Variants in RBM25 observed in about 807,000 individuals in gnomAD.
RBM25 encodes RNA-binding protein 25.
Under a neutral mutation model 120.7 loss-of-function variants are expected in RBM25, and 19 were observed. That is an observed-to-expected ratio of 0.16 (90% CI 0.11 to 0.23). RBM25 has a LOEUF of 0.23. Among genes scored for constraint, RBM25 ranks in the 10% least tolerant of loss-of-function variants. The pLI is 1.00. For missense variants in RBM25, 605 were observed against 1,041.5 expected, an observed-to-expected ratio of 0.58 and a Z score of 5.77; for synonymous variants, 390 against 326.7, an observed-to-expected ratio of 1.19 and a Z score of -2.09.
intron 1 of RBM25, among the ~76,000 whole-genome samples, chr14:73,063,752 C>T (rs1895061928): frequency 6.6e-6 from 1 of 151,316 alleles, no homozygotes; most frequent in Admixed American, 6.6e-5. Flanking sequence ...ATCCTGTTCC[C>T]TTCCAGGCTT....
chr14:73,071,146 G>A (rs1279032698), intron 1 of RBM25, among the ~76,000 whole-genome samples: 1 of 151,194 alleles, frequency 6.6e-6, no homozygotes, highest in Non-Finnish European at 1.5e-5. Flanking sequence ...GGAGGCTCAG[G>A]CAGGAGAATC....
intron 10 of RBM25, among the ~76,000 whole-genome samples, chr14:73,103,968 ACACACAC>A (rs1896121362): frequency 7.0e-6 from 1 of 143,188 alleles, no homozygotes; most frequent in African/African-American, 2.6e-5. Flanking sequence ...ACACACACAC[ACACACAC>A]ACACACACAC....
chr14:73,059,021 T>A (rs921171179), intron 1 of RBM25, among the ~76,000 whole-genome samples: 2 of 151,954 alleles, frequency 1.3e-5, no homozygotes, highest in Non-Finnish European at 2.9e-5. Context: ...CCCCCTGGGC[T>A]CCACGTTAGA....
intron 2 of RBM25, among the ~76,000 whole-genome samples, chr14:73,075,935 C>T (rs754198406): frequency 5.9e-5 from 9 of 151,966 alleles, no homozygotes; most frequent in South Asian, 4.1e-4. Flanking sequence ...CGTGAGCCAC[C>T]GTGCCCAGCT....
chr14:73,108,048 C>T (rs1896226553), intron 13 of RBM25, 149 bp downstream of exon 13: 4 of 639,922 alleles, frequency 6.3e-6, no homozygotes, highest in Admixed American at 3.0e-5. Context: ...AGCTAATACA[C>T]TGTTTTCGTT....
intron 17 of RBM25, 92 bp from the exon 18 acceptor site, chr14:73,114,194 G>A: frequency 1.1e-6 from 1 of 877,328 alleles, no homozygotes; most frequent in Non-Finnish European, 1.7e-6. Flanking sequence ...AGAAGTTCCT[G>A]TATGAATTTG....
At chr14:73,109,034 ATTCC>A (rs1053340987) in intron 13 of RBM25, 157 of 167,536 alleles carry the variant, frequency 9.4e-4, no homozygotes, top group African/African-American at 3.5e-3. Context: ...TTTGTTGGGT[ATTCC>A]TTGTGAAATA....
chr14:73,089,387 C>T (rs116696002), intron 6 of RBM25, among the ~76,000 whole-genome samples: 3,446 of 152,170 alleles, frequency 0.023, 136 homozygotes, highest in African/African-American at 0.076. Context: ...GACAGAGTCT[C>T]TCTGTCGTTC....
At chr14:73,098,163 T>C (rs764539306) in intron 7 of RBM25, among the ~76,000 whole-genome samples, 3 of 152,236 alleles carry the variant, frequency 2.0e-5, no homozygotes, top group Non-Finnish European at 2.9e-5. Context: ...AGTATCTTGC[T>C]CTGTCACACA....
chr14:73,111,636 A>G lies in RBM25; in HGVS notation c.2126A>G (p.Lys709Arg). The G allele has an allele frequency of 6.2e-7, 1 of 1,614,176 alleles. No individual in the cohort carries two copies. Among genetic ancestry groups the G allele is most frequent in the Non-Finnish European group, 8.5e-7 (1 of 1,180,014 alleles). Residue 709 changes from lysine (K) to arginine (R), a missense_variant, in exon 16 of 19, where the codon AAA becomes AGA. Transcript: ENST00000261973. ...GAAGACAGTGATGACGTACCCCGAA[A>G]AAGGAAACTGGTTCCCTTGGATTAT... ...EDEDSDDVPR[K>R]RKLVPLDYGE...
At chr14:73,090,133 C>T (rs527581149) in intron 6 of RBM25, among the ~76,000 whole-genome samples, 8 of 152,116 alleles carry the variant, frequency 5.3e-5, no homozygotes, top group African/African-American at 1.4e-4. Flanking sequence ...TCACTGCAAC[C>T]TCCACCTCCC....
intron 18 of RBM25, among the ~76,000 whole-genome samples, chr14:73,116,602 T>C (rs1289648228): frequency 1.3e-5 from 2 of 152,236 alleles, no homozygotes; most frequent in Non-Finnish European, 2.9e-5. Flanking sequence ...GGCTGAATTC[T>C]GAACTTTCCT....
At chr14:73,090,387 A>G (rs777125685) in intron 6 of RBM25, among the ~76,000 whole-genome samples, 4 of 151,814 alleles carry the variant, frequency 2.6e-5, no homozygotes, top group Non-Finnish European at 4.4e-5. Flanking sequence ...TTCAAGGCTC[A>G]CTCCAGTCCA....
At chr14:73,067,834 C>T (rs1488864416) in intron 1 of RBM25, among the ~76,000 whole-genome samples, 11 of 151,750 alleles carry the variant, frequency 7.2e-5, no homozygotes, top group Middle Eastern at 3.4e-3. Flanking sequence ...GTCCTGACCT[C>T]GTGATCCACC....
intron 1 of RBM25, among the ~76,000 whole-genome samples, chr14:73,067,604 ATT>A (rs1050067182): frequency 1.6e-4 from 17 of 106,246 alleles, no homozygotes; most frequent in Admixed American, 3.0e-4. Flanking sequence ...TATTGCCTGT[ATT>A]TTTTTTTTTT....
chr14:73,086,352 C>T (rs573868858), intron 5 of RBM25, among the ~76,000 whole-genome samples: 34 of 151,588 alleles, frequency 2.2e-4, no homozygotes, highest in African/African-American at 6.5e-4. Flanking sequence ...GCAGGAGAAT[C>T]GCTTCAACCC....
chr14:73,088,230 A>C (rs115120420), intron 6 of RBM25, 69 bp downstream of exon 6: 1 of 1,561,360 alleles, frequency 6.4e-7, no homozygotes, highest in African/African-American at 1.4e-5. Flanking sequence ...TTCTCATTAT[A>C]AATGAATCTA....
At position 73,111,067 on chromosome 14, in the gene RBM25, C is replaced by T. The variant is rs1328301283; in HGVS notation, c.1929C>T (p.Pro643=). 6.2e-7 allele frequency: 1 copy of T among 1,614,172 alleles called. No individual in the cohort carries two copies. Among genetic ancestry groups the T allele is most frequent in the Non-Finnish European group, 8.5e-7 (1 of 1,180,022 alleles). Residue 643 remains proline, a synonymous_variant, in exon 15 of 19, where the codon CCC becomes CCT. Coordinates refer to ENST00000261973, the MANE Select transcript of RBM25 (RefSeq NM_021239.3). ...CTAACACTCCTGGGGATGAGTCTCC[C>T]TGTGGTATTATTATTCCTCATGAAA... ...ATPNTPGDES[P]CGIIIPHENS... is the part of the protein sequence containing the mutation.
intron 5 of RBM25, among the ~76,000 whole-genome samples, chr14:73,084,942 G>T (rs1484808302): frequency 1.3e-5 from 2 of 151,946 alleles, no homozygotes; most frequent in African/African-American, 4.8e-5. Flanking sequence ...ATGTGAGATT[G>T]TCTTTTTTGT....
Sources: gnomAD v4.1 joint callset for allele counts (sites outside exome capture counted in the v4.1 genomes callset) on GRCh38, gnomAD v4.1.1 for gene constraint, MANE v1.5 for transcripts, NCBI Gene and HGNC (gene_info 2026-07-23, HGNC 2026-07-21) for gene names.